Variants in WDR19 observed in about 807,000 individuals in gnomAD.
WDR19 encodes the protein WD repeat domain 19, also known as WD repeat-containing protein 19.
In WDR19, 121 loss-of-function variants were observed where a neutral mutation model predicts 180.0. The ratio of observed to expected loss-of-function variants is 0.67; its 90% CI spans 0.58 to 0.78. The LOEUF (loss-of-function observed/expected upper bound fraction) is 0.78, where lower values mean the gene tolerates loss of function less well. Ranked by LOEUF, WDR19 falls within the 30% of genes least tolerant of loss-of-function variation. The probability of loss-of-function intolerance (pLI) is 0.00; values close to 1 mark genes in which losing one functional copy is unlikely to be tolerated. For synonymous variants in WDR19, 497 were observed against 540.7 expected (o/e 0.92, Z 1.12); for missense variants, 1,450 against 1,640.7 (o/e 0.88, Z 2.01).
At chr4:39,250,613 G>A (rs550455137) in intron 24 of WDR19, among the ~76,000 whole-genome samples, 26 of 152,282 alleles carry the variant, frequency 1.7e-4, no homozygotes, top group Non-Finnish European at 3.1e-4. Flanking sequence ...AAACCCCATC[G>A]TCTCAGCCCG....
At chr4:39,281,248 G>A (rs1736507716) in intron 36 of WDR19, among the ~76,000 whole-genome samples, 1 of 142,140 alleles carries the variant, frequency 7.0e-6, no homozygotes, top group Admixed American at 6.8e-5. Context: ...GAGAGAGAGA[G>A]AGAGAGAGAG....
chr4:39,207,449 G>A (rs1486508936), intron 9 of WDR19, among the ~76,000 whole-genome samples: 1 of 152,106 alleles, frequency 6.6e-6, no homozygotes, highest in African/African-American at 2.4e-5. Flanking sequence ...GGATAAACCA[G>A]AAGAAATCTA....
chr4:39,215,122 T>C (rs1451996725), intron 10 of WDR19, among the ~76,000 whole-genome samples: 1 of 152,140 alleles, frequency 6.6e-6, no homozygotes, highest in East Asian at 1.9e-4. Flanking sequence ...ATAGTCTCCT[T>C]ATTTTAGTAA....
chr4:39,248,263 G>A (rs1476835166), intron 24 of WDR19, among the ~76,000 whole-genome samples: 2 of 152,154 alleles, frequency 1.3e-5, no homozygotes, highest in Admixed American at 6.5e-5. Context: ...AGCTTCATAA[G>A]TGAAGGAGAA....
chr4:39,192,441 T>C (rs1726264852), intron 4 of WDR19, among the ~76,000 whole-genome samples: 1 of 152,078 alleles, frequency 6.6e-6, no homozygotes, highest in Middle Eastern at 3.2e-3. Context: ...GGAAGAAGTG[T>C]CTTAAATTGT....
At chr4:39,198,429 C>T (rs1368487947) in intron 5 of WDR19, among the ~76,000 whole-genome samples, 3 of 152,098 alleles carry the variant, frequency 2.0e-5, no homozygotes, top group South Asian at 2.1e-4. Context: ...GGCATGGTGG[C>T]GGACGCCTGT....
intron 9 of WDR19, among the ~76,000 whole-genome samples, chr4:39,210,766 T>C (rs150770719): frequency 4.6e-5 from 7 of 152,264 alleles, no homozygotes; most frequent in Non-Finnish European, 1.0e-4. Context: ...GAAAAAGCAT[T>C]GCACAAAGTC....
At chr4:39,264,789 C>G (rs1304064964) in intron 28 of WDR19, among the ~76,000 whole-genome samples, 1 of 152,144 alleles carries the variant, frequency 6.6e-6, no homozygotes, top group East Asian at 1.9e-4. Context: ...TAGTGCCTCC[C>G]CTAAATTCCT....
chr4:39,205,630 G>A lies in WDR19; in HGVS notation c.784G>A (p.Gly262Arg), dbSNP rs772265175. The change falls in exon 9 of 37, where the codon GGA becomes AGA. Residue 262 changes from glycine to arginine, a missense_variant. Gly to Arg is a moderately radical substitution (Grantham distance 125). Transcript: ENST00000399820. ...GHFVVISTHT[G>R]ELGQEIFQAR... ...TTTTGTGGTCATTTCTACTCATACTGGAGAGCTTGGTCAAGAGATATTTCA... is the reference window on the plus strand; with the variant it reads ...TTTTGTGGTCATTTCTACTCATACTAGAGAGCTTGGTCAAGAGATATTTCA... 13 of 1,613,020 alleles carry A rather than the reference G, an allele frequency of 8.1e-6. No homozygotes were observed. The highest frequency in any genetic ancestry group is 1.3e-5 in the African/African-American group (1 of 74,868).
intron 36 of WDR19, among the ~76,000 whole-genome samples, chr4:39,281,205 A>ATGTGTGTGTGTGTGTGTGTGTGTGTG (rs144111830): frequency 9.1e-6 from 1 of 110,416 alleles, no homozygotes; most frequent in African/African-American, 4.8e-5. Flanking sequence ...CTAAATATAT[A>ATGTGTGTGTGTGTGTGTGTGTGTGTG]TGTGTGTGTG....
chr4:39,244,347 G>A lies in WDR19; in HGVS notation c.2521G>A (p.Val841Ile), dbSNP rs1349223638. 1 of 1,613,836 alleles carries A rather than the reference G, an allele frequency of 6.2e-7. No individual in the cohort carries two copies. Among genetic ancestry groups the A allele is most frequent in the Non-Finnish European group, 8.5e-7 (1 of 1,179,864 alleles). The change falls in exon 22 of 37, where the codon GTC (valine) becomes ATC (isoleucine). Residue 841 changes from valine (V) to isoleucine (I), a missense_variant. Transcript: ENST00000399820. ...VNQALKHPSRVLKRDCGAILE... is the reference protein window; with the variant it reads ...VNQALKHPSRILKRDCGAILE... ...CCAAGCCCTCAAGCATCCCAGCAGGGTCCTTAAAAGAGACTGTGGAGCCAT... is the reference window on the plus strand; with the variant it reads ...CCAAGCCCTCAAGCATCCCAGCAGGATCCTTAAAAGAGACTGTGGAGCCAT...
chr4:39,280,119 GTTTTTTTTT>G lies in WDR19; in HGVS notation c.*13+1470_*13+1478del, dbSNP rs551041321. 1.1e-4 allele frequency among the ~76,000 whole-genome samples: 6 copies of G among 53,974 alleles called. 1 individual carries two copies. Among genetic ancestry groups the G allele is most frequent in the Non-Finnish European group, 2.2e-4 (6 of 27,740 alleles). 35.4% of individuals were successfully genotyped at this position (53,974 alleles called of 152,430 possible). A position where few individuals can be genotyped will look rare whatever the true frequency, so the allele number is the denominator to read the frequency against. ...TTTGTGGGTTTTTTTCCCTTTTCTT[GTTTTTTTTT>G]TTTTTTTTTTTTTAATAGAGGCAGG... On this transcript the variant is annotated intron_variant, in intron 36 of 36. Coordinates refer to ENST00000399820, the MANE Select transcript of WDR19 (RefSeq NM_025132.4).
At chr4:39,203,575 C>A in intron 6 of WDR19, 67 bp from the exon 7 acceptor site, 5 of 1,304,886 alleles carry the variant, frequency 3.8e-6, no homozygotes, top group Admixed American at 4.0e-5. Context: ...GTTATCCATT[C>A]TATTAATATT....
At position 39,189,689 on chromosome 4, in the gene WDR19, A is replaced by T. The variant is rs749815295; in HGVS notation, c.198A>T (p.Gly66=). ...TTGCCATGGATTGGGATAAAGATGG[A>T]GATGTCCTAGCAGTGATTGCTGAGA... ...NCVAMDWDKD[G]DVLAVIAEKS... is the part of the protein sequence containing the mutation. Residue 66 remains glycine, a synonymous_variant, in exon 4 of 37, where the codon GGA becomes GGT. Coordinates refer to ENST00000399820, the MANE Select transcript of WDR19 (RefSeq NM_025132.4). The T allele has an allele frequency of 1.4e-5, 23 of 1,608,770 alleles. 1 individual carries two copies. In the South Asian group the frequency reaches 2.2e-4, roughly 16 times the overall value.
intron 20 of WDR19, 39 bp downstream of exon 20, chr4:39,234,914 T>C (rs1245310214): frequency 7.0e-6 from 9 of 1,278,078 alleles, no homozygotes; most frequent in Non-Finnish European, 1.0e-5. Flanking sequence ...CAGTAGCTAA[T>C]GACTGCAAAT....
intron 18 of WDR19, 88 bp downstream of exon 18, chr4:39,232,044 C>T (rs1207661371): frequency 3.9e-6 from 6 of 1,538,626 alleles, no homozygotes; most frequent in Non-Finnish European, 5.4e-6. Context: ...TTTAATCTTA[C>T]CTCTTAAACA....
chr4:39,187,237 G>A (rs550316581), intron 3 of WDR19, among the ~76,000 whole-genome samples: 1 of 151,902 alleles, frequency 6.6e-6, no homozygotes, highest in South Asian at 2.1e-4. Context: ...TGGCTAACAC[G>A]GTCAAACCTC....
intron 28 of WDR19, 36 bp from the exon 29 acceptor site, chr4:39,266,027 G>A: frequency 6.5e-7 from 1 of 1,533,536 alleles, no homozygotes; most frequent in Non-Finnish European, 8.8e-7. Context: ...GGTTTAAGAT[G>A]CTGAATTTGC....
rs77729210 is a variant in WDR19, at chr4:39,285,799, T to C, written c.*326T>C. The C allele has an allele frequency of 1.8e-3, 276 of 152,318 alleles. 1 individual carries two copies. Among genetic ancestry groups the C allele is most frequent in the African/African-American group, 6.4e-3 (264 of 41,564 alleles). 9.4% of individuals were successfully genotyped at this position (152,318 alleles called of 1,614,324 possible). A position where few individuals can be genotyped will look rare whatever the true frequency, so the allele number is the denominator to read the frequency against. Reference sequence around the variant, plus strand: ...TATTTTGAAAAACTTTAAAATAAAATTGTTGACTAGATATCTGTGACGTTT... The same window carrying C: ...TATTTTGAAAAACTTTAAAATAAAACTGTTGACTAGATATCTGTGACGTTT... On this transcript the variant is annotated 3_prime_UTR_variant, in exon 37 of 37. Transcript: ENST00000399820.
Sources: gnomAD v4.1 joint callset for allele counts (sites outside exome capture counted in the v4.1 genomes callset) on GRCh38, gnomAD v4.1.1 for gene constraint, MANE v1.5 for transcripts, NCBI Gene and HGNC (gene_info 2026-07-23, HGNC 2026-07-21) for gene names.